Variants in EHBP1 observed in about 807,000 individuals in gnomAD.
EHBP1 encodes EH domain-binding protein 1.
A neutral mutation model predicts 144.0 loss-of-function variants in EHBP1; 55 were observed. That is an observed-to-expected ratio of 0.38 (90% CI 0.31 to 0.48). EHBP1 has a LOEUF of 0.48. Ranked by LOEUF, EHBP1 falls within the 20% of genes least tolerant of loss-of-function variation. The pLI is 0.98. For missense variants in EHBP1, 1,200 were observed against 1,364.2 expected (o/e 0.88, Z 1.90); for synonymous variants, 469 against 472.7 (o/e 0.99, Z 0.10).
chr2:62,815,131 T>G (rs934701943), intron 5 of EHBP1, among the ~76,000 whole-genome samples: 2 of 152,188 alleles, frequency 1.3e-5, no homozygotes, highest in African/African-American at 4.8e-5. Context: ...ATTTACTGCT[T>G]TTACCTCTCC....
intron 21 of EHBP1, among the ~76,000 whole-genome samples, chr2:63,040,193 T>C (rs2061601418): frequency 6.6e-6 from 1 of 150,512 alleles, no homozygotes; most frequent in Non-Finnish European, 1.5e-5. Flanking sequence ...GTATATATAA[T>C]ACATATAACT....
At chr2:62,749,759 C>T (rs1340816093) in intron 3 of EHBP1, among the ~76,000 whole-genome samples, 2 of 152,014 alleles carry the variant, frequency 1.3e-5, no homozygotes, top group African/African-American at 2.4e-5. Context: ...TTTCATGTGT[C>T]TTTTGGCTGC....
chr2:62,728,221 C>T lies in EHBP1; in HGVS notation c.105-19174C>T, dbSNP rs113910593. On this transcript the variant is annotated intron_variant, in intron 2 of 22. Coordinates refer to ENST00000431489, the MANE Select transcript of EHBP1 (RefSeq NM_001142616.3). ...AGTAAAAGGCATGGTTTAAACATTA[C>T]GAAGAAGGAGCTGTGTCCCATTCCT... Among the ~76,000 whole-genome samples, 211 of 148,178 alleles carry T rather than the reference C, an allele frequency of 1.4e-3. 1 individual carries two copies. The highest frequency in any genetic ancestry group is 4.4e-3 in the African/African-American group (178 of 40,102).
intron 14 of EHBP1, 83 bp from the exon 15 acceptor site, chr2:62,979,105 C>T (rs2058842273): frequency 7.1e-7 from 1 of 1,401,904 alleles, no homozygotes; most frequent in Non-Finnish European, 9.7e-7. Flanking sequence ...TGCTGTAAAC[C>T]AGTTACTATC....
intron 13 of EHBP1, among the ~76,000 whole-genome samples, chr2:62,954,946 G>T (rs1350219926): frequency 2.6e-5 from 4 of 151,994 alleles, no homozygotes; most frequent in Non-Finnish European, 5.9e-5. Flanking sequence ...TAATCCAGGA[G>T]AATACTTTTT....
chr2:62,997,884 G>A (rs1047051299), intron 19 of EHBP1, among the ~76,000 whole-genome samples: 1 of 152,028 alleles, frequency 6.6e-6, no homozygotes, highest in African/African-American at 2.4e-5. Flanking sequence ...TCAGGGGCTT[G>A]CCAGGAGAAT....
chr2:63,016,046 C>T (rs184686766), intron 19 of EHBP1, among the ~76,000 whole-genome samples: 30 of 152,172 alleles, frequency 2.0e-4, no homozygotes, highest in Non-Finnish European at 3.4e-4. Flanking sequence ...TATAGAGTTA[C>T]CCTATTCTTC....
At chr2:62,686,865 A>G (rs1055726456) in intron 1 of EHBP1, among the ~76,000 whole-genome samples, 1 of 152,242 alleles carries the variant, frequency 6.6e-6, no homozygotes, top group Admixed American at 6.5e-5. Context: ...TCCTTTAAAG[A>G]CATAAATATT....
intron 2 of EHBP1, among the ~76,000 whole-genome samples, chr2:62,731,147 C>A (rs2037558074): frequency 6.6e-6 from 1 of 151,626 alleles, no homozygotes; most frequent in Admixed American, 6.6e-5. Flanking sequence ...CTAAGTATTT[C>A]ATTTTTTTGG....
chr2:62,815,701 A>G (rs1449782455), intron 5 of EHBP1, among the ~76,000 whole-genome samples: 1 of 152,214 alleles, frequency 6.6e-6, no homozygotes, highest in Non-Finnish European at 1.5e-5. Flanking sequence ...GGCAATTGAA[A>G]TTATATGTCA....
upstream of EHBP1, among the ~76,000 whole-genome samples, chr2:62,701,642 A>G (rs2034284816): frequency 6.6e-6 from 1 of 152,236 alleles, no homozygotes; most frequent in Non-Finnish European, 1.5e-5. Context: ...TAAGAGGAGA[A>G]AAGCCATAGC....
At chr2:62,955,709 G>A in intron 14 of EHBP1, 49 bp downstream of exon 14, 1 of 1,559,258 alleles carries the variant, frequency 6.4e-7, no homozygotes, top group African/African-American at 1.4e-5. Flanking sequence ...TTGTAATCAT[G>A]GGGAGGAGGG....
intron 19 of EHBP1, among the ~76,000 whole-genome samples, chr2:63,014,229 AATGCAACACC>A (rs2060389933): frequency 1.3e-5 from 2 of 152,338 alleles, no homozygotes; most frequent in South Asian, 4.1e-4. Context: ...AAAGCCTTTT[AATGCAACACC>A]TTTTTCCTTT....
intron 10 of EHBP1, among the ~76,000 whole-genome samples, chr2:62,903,951 T>C (rs1039400192): frequency 1.3e-5 from 2 of 152,198 alleles, no homozygotes; most frequent in Admixed American, 6.5e-5. Context: ...TGAGTACATA[T>C]CTTACTTCCA....
At chr2:62,830,377 C>T (rs891321890) in intron 6 of EHBP1, among the ~76,000 whole-genome samples, 1 of 152,050 alleles carries the variant, frequency 6.6e-6, no homozygotes, top group Non-Finnish European at 1.5e-5. Flanking sequence ...CTTGTGATCA[C>T]CTGCCTCGGC....
At position 62,874,491 on chromosome 2, in the gene EHBP1, A is replaced by G. The variant is rs1336122669; in HGVS notation, c.1144A>G (p.Asn382Asp). The G allele has an allele frequency of 1.9e-6, 3 of 1,608,016 alleles. No homozygotes were observed. The Admixed American group carries it at 5.1e-5, about 27-fold the overall frequency. The change falls in exon 10 of 23, where the codon AAC becomes GAC. Residue 382 changes from asparagine to aspartate, a missense_variant. Physicochemically the swap from Asn to Asp is conservative, Grantham distance 23. Around this residue, in one of 6 missense-constraint regions of EHBP1, gnomAD observed 266 missense variants for 262.4 expected, o/e 1.01. Transcript: ENST00000431489. Reference protein sequence around the residue: ...LSPKTGVLNENTVSAGKDLST... With the variant: ...LSPKTGVLNEDTVSAGKDLST... ...ACCAAAAACAGGAGTATTAAATGAA[A>G]ACACAGTTTCTGCAGGAAAAGATCT...
At chr2:62,966,246 G>A (rs1436289336) in intron 14 of EHBP1, among the ~76,000 whole-genome samples, 3 of 152,126 alleles carry the variant, frequency 2.0e-5, no homozygotes, top group African/African-American at 7.2e-5. Flanking sequence ...AGAGGGGGGA[G>A]TTTTATAATT....
intron 5 of EHBP1, among the ~76,000 whole-genome samples, chr2:62,785,540 C>G (rs2042744281): frequency 6.6e-6 from 1 of 152,066 alleles, no homozygotes; most frequent in South Asian, 2.1e-4. Context: ...ATAATTTGCT[C>G]TTAGTCAGTA....
chr2:62,684,566 C>T (rs961344545), intron 1 of EHBP1, among the ~76,000 whole-genome samples: 2 of 152,326 alleles, frequency 1.3e-5, no homozygotes, highest in East Asian at 3.9e-4. Flanking sequence ...GCACATGAAG[C>T]GGGCACTGGC....
Sources: allele counts gnomAD v4.1 joint callset (sites outside exome capture counted in the v4.1 genomes callset), GRCh38; gene constraint gnomAD v4.1.1; regional missense constraint gnomAD v4.1.1; transcripts MANE v1.5; gene names NCBI Gene and HGNC (gene_info 2026-07-23, HGNC 2026-07-21).